The following RERE variants were observed in gnomAD, a reference collection of about 807,000 sequenced individuals.
The protein encoded by RERE is arginine-glutamic acid dipeptide repeats.
Under a neutral mutation model 146.1 loss-of-function variants are expected in RERE, and 40 were observed. The observed-to-expected ratio is 0.27, with a 90% CI of 0.21 to 0.36. RERE has a LOEUF of 0.36. Among genes scored for constraint, RERE ranks in the 10% least tolerant of loss-of-function variants. RERE has a pLI of 1.00. For missense variants in RERE, 1,933 were observed against 2,138.7 expected (o/e 0.90, Z 1.90); for synonymous variants, 1,003 against 866.0 (o/e 1.16, Z -2.78).
At chr1:8,778,559 G>A (rs188750989) in intron 1 of RERE, among the ~76,000 whole-genome samples, 13 of 152,252 alleles carry the variant, frequency 8.5e-5, no homozygotes, top group Non-Finnish European at 1.3e-4. Flanking sequence ...ACAGTGGCTC[G>A]GGAGTGGTGG....
intron 1 of RERE, among the ~76,000 whole-genome samples, chr1:8,668,538 C>T (rs935425650): frequency 6.6e-6 from 1 of 152,022 alleles, no homozygotes; most frequent in Admixed American, 6.5e-5. Flanking sequence ...TGGCTGTAAA[C>T]AGAAAACCAA....
intron 1 of RERE, among the ~76,000 whole-genome samples, chr1:8,768,572 A>T (rs1009882715): frequency 5.9e-5 from 9 of 152,140 alleles, no homozygotes; most frequent in Non-Finnish European, 1.3e-4. Context: ...CTTAACTTTA[A>T]ATTTTATTTA....
intron 11 of RERE, among the ~76,000 whole-genome samples, chr1:8,463,118 G>C (rs1296093513): frequency 6.6e-6 from 1 of 152,176 alleles, no homozygotes; most frequent in Non-Finnish European, 1.5e-5. Flanking sequence ...GGACTGCCTT[G>C]TTGCCACATA....
chr1:8,402,423 G>A (rs1487434642), intron 12 of RERE, among the ~76,000 whole-genome samples: 1 of 152,170 alleles, frequency 6.6e-6, no homozygotes, highest in Non-Finnish European at 1.5e-5. Flanking sequence ...ACAAAGATAA[G>A]ACACCCTTAC....
At chr1:8,379,789 C>T (rs1642381193) in intron 12 of RERE, among the ~76,000 whole-genome samples, 1 of 152,178 alleles carries the variant, frequency 6.6e-6, no homozygotes, top group Non-Finnish European at 1.5e-5. Context: ...GGCTAACTCC[C>T]CAGAGGAGAG....
At chr1:8,739,556 T>G (rs1202555656) in intron 1 of RERE, among the ~76,000 whole-genome samples, 1 of 152,144 alleles carries the variant, frequency 6.6e-6, no homozygotes, top group Non-Finnish European at 1.5e-5. Context: ...CACCCTCTAC[T>G]GACAAAACTA....
At chr1:8,703,436 C>T (rs960750939) in intron 1 of RERE, among the ~76,000 whole-genome samples, 2 of 151,754 alleles carry the variant, frequency 1.3e-5, no homozygotes, top group African/African-American at 4.8e-5. Flanking sequence ...GAGCAGACTC[C>T]CCGCGACGGC....
intron 10 of RERE, among the ~76,000 whole-genome samples, chr1:8,486,225 G>T (rs968524363): frequency 6.6e-6 from 1 of 152,090 alleles, no homozygotes; most frequent in Non-Finnish European, 1.5e-5. Context: ...AGCACACCCA[G>T]TAACTACAGA....
intron 10 of RERE, among the ~76,000 whole-genome samples, chr1:8,485,357 G>A (rs1448881665): frequency 6.6e-6 from 1 of 151,794 alleles, no homozygotes; most frequent in Non-Finnish European, 1.5e-5. Context: ...GCGAAACTCT[G>A]TCTCAAAAAA....
At chr1:8,792,002 AG>A (rs1569807367) in intron 1 of RERE, among the ~76,000 whole-genome samples, 1 of 152,092 alleles carries the variant, frequency 6.6e-6, no homozygotes, top group East Asian at 1.9e-4. Context: ...CCAAGGTGGG[AG>A]GATCGCTTGA....
chr1:8,680,204 A>AT, intron 1 of RERE, among the ~76,000 whole-genome samples: 1 of 152,194 alleles, frequency 6.6e-6, no homozygotes, highest in African/African-American at 2.4e-5. Flanking sequence ...TATCATTCTG[A>AT]TTTTTTGGTT....
chr1:8,796,909 C>T (rs1641485720), intron 1 of RERE, among the ~76,000 whole-genome samples: 1 of 152,138 alleles, frequency 6.6e-6, no homozygotes, highest in South Asian at 2.1e-4. Flanking sequence ...CTACTATGAG[C>T]CTCCGTTGAC....
intron 2 of RERE, among the ~76,000 whole-genome samples, chr1:8,632,437 T>G (rs570861005): frequency 6.6e-6 from 1 of 152,378 alleles, no homozygotes; most frequent in African/African-American, 2.4e-5. Flanking sequence ...TCACAATGCG[T>G]GTGTTATAAT....
chr1:8,616,945 A>T (rs1488598237), intron 3 of RERE, among the ~76,000 whole-genome samples: 1 of 152,202 alleles, frequency 6.6e-6, no homozygotes, highest in Non-Finnish European at 1.5e-5. Flanking sequence ...TGCAAAAAGG[A>T]TGTGGTCGTT....
In RERE at chr1:8,508,539, AT is replaced by A. The variant is rs151319963; in HGVS notation, c.879+87del. ...AAAAATTCCCGATAGCAATAACCAC[AT>A]TCTAAGATGCTGCGCAACAGAATAA... On this transcript the variant is annotated intron_variant, in intron 8 of 22. Transcript: ENST00000400908. 64 of 1,040,252 alleles carry A rather than the reference AT, an allele frequency of 6.2e-5. No individual in the cohort carries two copies. In the African/African-American group the frequency reaches 9.3e-4, roughly 15 times the overall value. 64.4% of individuals were successfully genotyped at this position (1,040,252 alleles called of 1,614,324 possible).
chr1:8,748,887 C>T (rs1253658466), intron 1 of RERE, among the ~76,000 whole-genome samples: 1 of 152,120 alleles, frequency 6.6e-6, no homozygotes, highest in Non-Finnish European at 1.5e-5. Context: ...GGTATCAGAA[C>T]ATACATATTT....
At chr1:8,650,314 G>C (rs1647549215) in intron 2 of RERE, among the ~76,000 whole-genome samples, 1 of 152,154 alleles carries the variant, frequency 6.6e-6, no homozygotes, top group Non-Finnish European at 1.5e-5. Flanking sequence ...TATCCTCAAA[G>C]TATCCCTGCT....
chr1:8,774,949 TTC>T (rs1557535335), intron 1 of RERE, among the ~76,000 whole-genome samples: 4 of 32,650 alleles, frequency 1.2e-4, no homozygotes, highest in Non-Finnish European at 1.5e-4. Flanking sequence ...TCTTCTTTCT[TTC>T]TTTTTTTTTT....
chr1:8,482,766 G>A (rs1467312727), intron 10 of RERE, among the ~76,000 whole-genome samples: 2 of 151,184 alleles, frequency 1.3e-5, no homozygotes, highest in Non-Finnish European at 2.9e-5. Flanking sequence ...CTTTAGAAGG[G>A]AATTTATGAA....
Sources: allele counts gnomAD v4.1 joint callset (sites outside exome capture counted in the v4.1 genomes callset), GRCh38; gene constraint gnomAD v4.1.1; transcripts MANE v1.5; gene names NCBI Gene and HGNC (gene_info 2026-07-23, HGNC 2026-07-21).